The following SDCCAG8 variants were observed in gnomAD, a reference collection of about 807,000 sequenced individuals.
The protein encoded by SDCCAG8 is SHH signaling and ciliogenesis regulator SDCCAG8, also known as serologically defined colon cancer antigen 8.
Under a neutral mutation model 101.8 loss-of-function variants are expected in SDCCAG8, and 74 were observed. That is an observed-to-expected ratio of 0.73 (90% CI 0.60 to 0.88). The LOEUF (loss-of-function observed/expected upper bound fraction) is 0.88, where lower values mean the gene tolerates loss of function less well. Ranked by LOEUF, SDCCAG8 falls within the 40% of genes least tolerant of loss-of-function variation. The pLI is 0.00. For synonymous variants in SDCCAG8, 281 were observed against 292.9 expected (o/e 0.96, Z 0.41); for missense variants, 787 against 822.6 (o/e 0.96, Z 0.53).
At chr1:243,370,013 T>C (rs1287042766) in intron 12 of SDCCAG8, among the ~76,000 whole-genome samples, 2 of 152,226 alleles carry the variant, frequency 1.3e-5, no homozygotes, top group African/African-American at 4.8e-5. Context: ...CTCTTGGCGA[T>C]ATTCACATTA....
At chr1:243,283,855 C>G (rs973744210) in intron 4 of SDCCAG8, among the ~76,000 whole-genome samples, 7 of 152,172 alleles carry the variant, frequency 4.6e-5, no homozygotes, top group Non-Finnish European at 1.0e-4. Flanking sequence ...ATTCTCCTGC[C>G]TCAGCCTCCC....
intron 16 of SDCCAG8, among the ~76,000 whole-genome samples, chr1:243,443,127 T>C (rs1216466410): frequency 6.6e-6 from 1 of 152,202 alleles, no homozygotes; most frequent in African/African-American, 2.4e-5. Flanking sequence ...AGAGGAGCTC[T>C]ATTGTGTTTT....
intron 4 of SDCCAG8, among the ~76,000 whole-genome samples, chr1:243,285,027 C>A (rs1178569401): frequency 6.6e-6 from 1 of 152,026 alleles, no homozygotes; most frequent in Non-Finnish European, 1.5e-5. Flanking sequence ...GGACTACAGG[C>A]GTGTGCCATC....
chr1:243,347,509 G>A (rs1416819838), intron 12 of SDCCAG8, among the ~76,000 whole-genome samples: 1 of 152,050 alleles, frequency 6.6e-6, no homozygotes, highest in Non-Finnish European at 1.5e-5. Context: ...ATCTTTCTTT[G>A]TTGTTGTCTG....
At position 243,256,124 on chromosome 1, in the gene SDCCAG8, AGCT is replaced by A; in HGVS notation, c.-48_-46del. 6.4e-7 allele frequency: 1 copy of A among 1,557,910 alleles called. No individual in the cohort carries two copies. Among genetic ancestry groups the A allele is most frequent in the Non-Finnish European group, 8.9e-7 (1 of 1,128,780 alleles). Reference sequence around the variant, plus strand: ...GGCCTGTTGTTCTCGGAAGGGAGAAAGCTGGACATTTCCCCACGTAACTCCCAG... The same window carrying A: ...GGCCTGTTGTTCTCGGAAGGGAGAAAGGACATTTCCCCACGTAACTCCCAG... On this transcript the variant is annotated 5_prime_UTR_variant, in exon 1 of 18. Transcript: ENST00000366541.
chr1:243,287,017 T>C (rs933927468), intron 5 of SDCCAG8, among the ~76,000 whole-genome samples: 1 of 152,218 alleles, frequency 6.6e-6, no homozygotes, highest in African/African-American at 2.4e-5. Flanking sequence ...CTTGGTCTGG[T>C]TGGCTTCTAG....
chr1:243,376,921 A>C (rs1355305922), intron 12 of SDCCAG8, among the ~76,000 whole-genome samples: 1 of 152,200 alleles, frequency 6.6e-6, no homozygotes, highest in Non-Finnish European at 1.5e-5. Context: ...TAGCGTTATT[A>C]ATCTACAATT....
At chr1:243,272,323 A>T (rs377498056) in intron 3 of SDCCAG8, among the ~76,000 whole-genome samples, 1 of 152,244 alleles carries the variant, frequency 6.6e-6, no homozygotes, top group Non-Finnish European at 1.5e-5. Flanking sequence ...ATATCAGAGT[A>T]TCACTCCCAT....
chr1:243,453,517 C>G (rs1165975638), intron 16 of SDCCAG8, among the ~76,000 whole-genome samples: 4 of 152,056 alleles, frequency 2.6e-5, no homozygotes, highest in Non-Finnish European at 4.4e-5. Flanking sequence ...ACATATTGGC[C>G]CACTGAGCTC....
rs552955275 is a variant in SDCCAG8 at position 243,403,898 on chromosome 1, C to T, written c.1617-11804C>T. 3.3e-4 allele frequency among the ~76,000 whole-genome samples: 51 copies of T among 152,250 alleles called. No individual in the cohort carries two copies. In the South Asian group the frequency reaches 7.7e-3, roughly 23 times the overall value. On this transcript the variant is annotated intron_variant, in intron 13 of 17. Coordinates refer to ENST00000366541, the MANE Select transcript of SDCCAG8 (RefSeq NM_006642.5). ...AACTGCCCAATAAATGGAATGCAGT[C>T]GAATCATCCCCACACCCCCTACCCT...
chr1:243,468,211 T>G (rs926670636), intron 16 of SDCCAG8, among the ~76,000 whole-genome samples: 7 of 151,762 alleles, frequency 4.6e-5, no homozygotes, highest in African/African-American at 1.7e-4. Context: ...CAATAATACC[T>G]TCTTCAAAGG....
chr1:243,473,089 G>C (rs74151001), intron 16 of SDCCAG8, among the ~76,000 whole-genome samples: 1 of 152,058 alleles, frequency 6.6e-6, no homozygotes, highest in African/African-American at 2.4e-5. Flanking sequence ...GGATCTCTGC[G>C]GGGGTGTGGG....
At chr1:243,296,366 C>T (rs1049273776) in intron 6 of SDCCAG8, among the ~76,000 whole-genome samples, 9 of 152,050 alleles carry the variant, frequency 5.9e-5, no homozygotes, top group African/African-American at 2.2e-4. Flanking sequence ...AATATATTCT[C>T]CTGACCCTAC....
intron 12 of SDCCAG8, among the ~76,000 whole-genome samples, chr1:243,346,845 A>T (rs2075742127): frequency 1.3e-5 from 2 of 152,078 alleles, no homozygotes; most frequent in Non-Finnish European, 2.9e-5. Context: ...TTTATGAGAA[A>T]TTTTTTTAGG....
chr1:243,315,616 A>G (rs1203347901), intron 8 of SDCCAG8, among the ~76,000 whole-genome samples: 1 of 152,170 alleles, frequency 6.6e-6, no homozygotes, highest in Non-Finnish European at 1.5e-5. Context: ...AAATACCACA[A>G]ATAGTTTATT....
intron 16 of SDCCAG8, among the ~76,000 whole-genome samples, chr1:243,469,830 G>GT (rs746906257): frequency 0.03 from 3,715 of 123,500 alleles, 147 homozygotes; most frequent in African/African-American, 0.078. Context: ...GAAAGTGTTG[G>GT]TTTTTTTTTT....
intron 12 of SDCCAG8, among the ~76,000 whole-genome samples, chr1:243,351,257 G>A (rs2076067116): frequency 6.6e-6 from 1 of 152,160 alleles, no homozygotes. Context: ...CTTTCAGTCT[G>A]TAGACTTAGC....
At chr1:243,496,023 T>G (rs1198309710) in intron 17 of SDCCAG8, among the ~76,000 whole-genome samples, 1 of 152,192 alleles carries the variant, frequency 6.6e-6, no homozygotes, top group Non-Finnish European at 1.5e-5. Context: ...AAGAACCAGC[T>G]TCCCTTTAAA....
intron 6 of SDCCAG8, among the ~76,000 whole-genome samples, chr1:243,296,822 C>T (rs1471826551): frequency 6.6e-6 from 1 of 151,568 alleles, no homozygotes; most frequent in African/African-American, 2.4e-5. Flanking sequence ...CGTGAGCCAC[C>T]GCGCCCGGCC....
Sources: allele counts gnomAD v4.1 joint callset (sites outside exome capture counted in the v4.1 genomes callset), GRCh38; gene constraint gnomAD v4.1.1; transcripts MANE v1.5; gene names NCBI Gene and HGNC (gene_info 2026-07-23, HGNC 2026-07-21).